Variants in UNC13C observed in about 807,000 individuals in gnomAD.
The protein encoded by UNC13C is protein unc-13 homolog C.
In UNC13C, 174 loss-of-function variants were observed where a neutral mutation model predicts 245.4. That is an observed-to-expected ratio of 0.71 (90% CI 0.63 to 0.80). The LOEUF (loss-of-function observed/expected upper bound fraction) is 0.80, where lower values mean the gene tolerates loss of function less well. UNC13C is among the 30% of genes least tolerant of loss of function. The pLI is 0.00. For synonymous variants in UNC13C, 992 were observed against 895.1 expected (o/e 1.11, Z -1.93); for missense variants, 2,829 against 2,602.9 (o/e 1.09, Z -1.89).
the UNC13C span, among the ~76,000 whole-genome samples, chr15:53,885,453 A>G: frequency 5.3e-3 from 806 of 152,252 alleles, 4 homozygotes; most frequent in African/African-American, 0.019. Context: ...GCCAAGAAAA[A>G]TCTCAACAGA....
chr15:54,403,551 C>CA (rs933856876), intron 18 of UNC13C, among the ~76,000 whole-genome samples: 6 of 151,248 alleles, frequency 4.0e-5, no homozygotes, highest in Admixed American at 2.6e-4. Flanking sequence ...CCCGTCTCTA[C>CA]AAAAAAATAC....
At chr15:54,089,622 A>G in intron 2 of UNC13C, among the ~76,000 whole-genome samples, 1 of 151,084 alleles carries the variant, frequency 6.6e-6, no homozygotes, top group East Asian at 2.0e-4. Context: ...ATTTTCAATT[A>G]ATCCAGTGAA....
At chr15:54,121,138 A>G (rs2030638129) in intron 2 of UNC13C, among the ~76,000 whole-genome samples, 1 of 152,190 alleles carries the variant, frequency 6.6e-6, no homozygotes, top group East Asian at 1.9e-4. Context: ...GTCACAAGGT[A>G]CAGGCAAATC....
chr15:54,569,650 C>A (rs1438813192), intron 30 of UNC13C, among the ~76,000 whole-genome samples: 1 of 151,558 alleles, frequency 6.6e-6, no homozygotes, highest in Non-Finnish European at 1.5e-5. Context: ...GGCATAATTA[C>A]CTTTTTATTA....
intron 19 of UNC13C, among the ~76,000 whole-genome samples, chr15:54,463,336 C>T (rs1384719116): frequency 7.0e-6 from 1 of 141,922 alleles, no homozygotes; most frequent in Non-Finnish European, 1.5e-5. Context: ...TAGCAACCCA[C>T]TGGGGTCCCC....
At chr15:54,028,684 C>CTCTTTTTT (rs1896223823) in intron 2 of UNC13C, among the ~76,000 whole-genome samples, 1 of 87,082 alleles carries the variant, frequency 1.1e-5, no homozygotes. Context: ...GCCTACAAGT[C>CTCTTTTTT]TTTTTTTTTT....
At chr15:54,127,971 C>T (rs950694032) in intron 2 of UNC13C, among the ~76,000 whole-genome samples, 24 of 151,702 alleles carry the variant, frequency 1.6e-4, no homozygotes, top group Middle Eastern at 3.4e-3. Context: ...AAAAAGAAGT[C>T]GAAATATCTC....
intron 30 of UNC13C, among the ~76,000 whole-genome samples, chr15:54,577,063 G>C (rs1236669721): frequency 6.6e-6 from 1 of 152,120 alleles, no homozygotes; most frequent in African/African-American, 2.4e-5. Context: ...TCCAAAGTGT[G>C]TATGAGTATG....
chr15:53,884,813 C>A, the UNC13C span, among the ~76,000 whole-genome samples: 1 of 152,118 alleles, frequency 6.6e-6, no homozygotes, highest in Non-Finnish European at 1.5e-5. Context: ...CTAGTTCCCC[C>A]CTCTTTCCCT....
chr15:54,425,747 T>C (rs1028508608), intron 19 of UNC13C, among the ~76,000 whole-genome samples: 3 of 151,868 alleles, frequency 2.0e-5, no homozygotes, highest in Admixed American at 2.0e-4. Context: ...ACATAGTGTG[T>C]TTATTAGTCA....
At chr15:54,201,412 T>C (rs1238711593) in intron 4 of UNC13C, among the ~76,000 whole-genome samples, 1 of 151,506 alleles carries the variant, frequency 6.6e-6, no homozygotes, top group Non-Finnish European at 1.5e-5. Flanking sequence ...GCAAAAATCG[T>C]CAACAAAATA....
At chr15:54,119,553 G>C (rs1012878697) in intron 2 of UNC13C, among the ~76,000 whole-genome samples, 1 of 151,876 alleles carries the variant, frequency 6.6e-6, no homozygotes, top group East Asian at 1.9e-4. Flanking sequence ...TTGAAATTAG[G>C]CCAATTAGTA....
At chr15:54,592,058 T>G (rs377376065) in intron 30 of UNC13C, among the ~76,000 whole-genome samples, 3 of 152,328 alleles carry the variant, frequency 2.0e-5, no homozygotes, top group Admixed American at 6.5e-5. Context: ...TTTGACCCAA[T>G]GCTCATTCAG....
chr15:54,465,148 T>C (rs1892098442), intron 19 of UNC13C, among the ~76,000 whole-genome samples: 1 of 151,980 alleles, frequency 6.6e-6, no homozygotes, highest in South Asian at 2.1e-4. Flanking sequence ...TGAATAAAAC[T>C]AAAAGGAAAC....
At chr15:53,852,772 T>C in the UNC13C span, among the ~76,000 whole-genome samples, 6 of 152,212 alleles carry the variant, frequency 3.9e-5, no homozygotes, top group African/African-American at 1.4e-4. Flanking sequence ...GTTTATTTTC[T>C]ATCTATTTTT....
At chr15:54,102,039 G>A (rs942408042) in intron 2 of UNC13C, among the ~76,000 whole-genome samples, 1 of 148,188 alleles carries the variant, frequency 6.7e-6, no homozygotes, top group African/African-American at 2.5e-5. Context: ...CTCATTTGAC[G>A]CCTGCCTACT....
At position 54,015,842 on chromosome 15, in the gene UNC13C, A is replaced by G; in HGVS notation, c.2939A>G (p.Tyr980Cys). 1.2e-6 allele frequency: 2 copies of G among 1,605,042 alleles called. No individual in the cohort carries two copies. The highest frequency in any genetic ancestry group is 1.3e-5 in the African/African-American group (1 of 74,488). The change falls in exon 2 of 33, where the codon TAT becomes TGT. Residue 980 changes from tyrosine (Y) to cysteine (C), a missense_variant. Coordinates refer to ENST00000260323, the MANE Select transcript of UNC13C (RefSeq NM_001080534.3). ...PSFKEAALRA[Y>C]KKQMAELEEK... ...TTCAAAGAAGCAGCTTTAAGGGCCT[A>G]TAAAAAGCAAATGGCAGAGTTGGAA...
chr15:53,962,249 T>C, the UNC13C span, among the ~76,000 whole-genome samples: 1 of 152,124 alleles, frequency 6.6e-6, no homozygotes, highest in Non-Finnish European at 1.5e-5. Context: ...TCATTTTTCA[T>C]GCTAATAACT....
At chr15:53,919,806 A>G in the UNC13C span, among the ~76,000 whole-genome samples, 2 of 152,228 alleles carry the variant, frequency 1.3e-5, no homozygotes, top group African/African-American at 2.4e-5. Flanking sequence ...TTCTCAAAGT[A>G]GGTATCTAAA....
Sources: allele counts gnomAD v4.1 joint callset (sites outside exome capture counted in the v4.1 genomes callset), GRCh38; gene constraint gnomAD v4.1.1; transcripts MANE v1.5; gene names NCBI Gene and HGNC (gene_info 2026-07-23, HGNC 2026-07-21).